CPLANE1: variants seen among roughly 807,000 people sequenced by gnomAD.
CPLANE1 encodes ciliogenesis and planar polarity effector 1.
In CPLANE1, 263 loss-of-function variants were observed where a neutral mutation model predicts 362.5. The ratio of observed to expected loss-of-function variants is 0.73; its 90% CI spans 0.66 to 0.80. CPLANE1 has a LOEUF of 0.80. CPLANE1 is among the 30% of genes least tolerant of loss of function. CPLANE1 has a pLI of 0.00. For synonymous variants in CPLANE1, 1,212 were observed against 1,302.6 expected, an observed-to-expected ratio of 0.93 and a Z score of 1.50; for missense variants, 3,461 against 3,793.4, an observed-to-expected ratio of 0.91 and a Z score of 2.30.
chr5:37,167,054 T>C lies in CPLANE1; in HGVS notation c.7393A>G (p.Lys2465Glu), dbSNP rs1312574220. ...PPEVRQGKDS[K>E]KRQRRRAEKE... ...ATTTCACTTAAGCCTTGCCTTTTTT[T>C]ACTGTCCTTTCCTTGTCTTACTTCA... The change falls in exon 35 of 53, where the codon AAA becomes GAA. Residue 2465 changes from lysine to glutamate, a missense_variant. By Grantham distance (56) the Lys-to-Glu change is moderately conservative. Around this residue, in one of 2 missense-constraint regions of CPLANE1, gnomAD observed 3,380 missense variants for 3,666.1 expected, o/e 0.92. Coordinates refer to ENST00000651892, the MANE Select transcript of CPLANE1 (RefSeq NM_001384732.1). 1 of 1,605,950 alleles carries C rather than the reference T, an allele frequency of 6.2e-7. No individual in the cohort carries two copies. Among genetic ancestry groups the C allele is most frequent in the East Asian group, 2.2e-5 (1 of 44,758 alleles).
chr5:37,153,625 G>A, intron 42 of CPLANE1, 115 bp downstream of exon 42: 2 of 1,083,712 alleles, frequency 1.8e-6, no homozygotes, highest in Non-Finnish European at 2.6e-6. Context: ...ACAAACCCTA[G>A]CTTAAAGAAA....
chr5:37,122,456 T>C lies in CPLANE1; in HGVS notation c.8991A>G (p.Arg2997=). ...LYMTSREIRL[R]QKMKHEKDRL... Reference sequence around the variant, plus strand: ...TGTCTTTTTCATGCTTCATCTTTTGTCTCAGCCTTATTTCCCTTGAAGTCA... The same window carrying C: ...TGTCTTTTTCATGCTTCATCTTTTGCCTCAGCCTTATTTCCCTTGAAGTCA... Residue 2997 remains arginine (R), a synonymous_variant, in exon 48 of 53, where the codon AGA becomes AGG. Transcript: ENST00000651892. The C allele has an allele frequency of 6.2e-7, 1 of 1,613,266 alleles. No homozygotes were observed. Among genetic ancestry groups the C allele is most frequent in the Non-Finnish European group, 8.5e-7 (1 of 1,179,790 alleles).
intron 14 of CPLANE1, among the ~76,000 whole-genome samples, chr5:37,222,246 T>C (rs1795514270): frequency 6.6e-6 from 1 of 152,222 alleles, no homozygotes; most frequent in Admixed American, 6.5e-5. Context: ...GAGATAACAT[T>C]GTATGCAATT....
chr5:37,208,866 G>A (rs1043498557), intron 16 of CPLANE1, among the ~76,000 whole-genome samples: 1 of 151,542 alleles, frequency 6.6e-6, no homozygotes, highest in African/African-American at 2.4e-5. Context: ...CATATTAGAC[G>A]TAAACCCCGT....
intron 12 of CPLANE1, among the ~76,000 whole-genome samples, chr5:37,225,667 C>T (rs1311987738): frequency 6.6e-6 from 1 of 151,984 alleles, no homozygotes; most frequent in African/African-American, 2.4e-5. Context: ...GCCTGGCCAA[C>T]ATGGTGAAAC....
At chr5:37,194,878 C>T (rs867742061) in intron 21 of CPLANE1, among the ~76,000 whole-genome samples, 1 of 151,436 alleles carries the variant, frequency 6.6e-6, no homozygotes, top group Non-Finnish European at 1.5e-5. Context: ...GCTGGCCAGG[C>T]GCGGTGGCTC....
At position 37,148,174 on chromosome 5, in the gene CPLANE1, T is replaced by C. The variant is rs776639814; in HGVS notation, c.8461+7A>G. On this transcript the variant is annotated splice_region_variant and intron_variant, in intron 43 of 52. Transcript: ENST00000651892. ...ACTTCAGCCAGCCCCTATCAGCCCC[T>C]ACAAACCTTCTTCAGAAATGCTAAT... The C allele has an allele frequency of 1.6e-5, 26 of 1,609,942 alleles. No individual in the cohort carries two copies. Among genetic ancestry groups the C allele is most frequent in the Middle Eastern group, 1.6e-4 (1 of 6,070 alleles).
At chr5:37,181,126 T>C in intron 26 of CPLANE1, 121 bp from the exon 27 acceptor site, 1 of 857,266 alleles carries the variant, frequency 1.2e-6, no homozygotes, top group Non-Finnish European at 1.7e-6. Context: ...TTATCAAATA[T>C]TTACTGCATT....
intron 20 of CPLANE1, among the ~76,000 whole-genome samples, chr5:37,196,985 C>T (rs1001643242): frequency 7.3e-5 from 11 of 151,526 alleles, no homozygotes; most frequent in African/African-American, 2.4e-4. Context: ...AACCTCTCTA[C>T]CTCAATGAGC....
intron 24 of CPLANE1, among the ~76,000 whole-genome samples, chr5:37,185,363 T>G (rs1783708053): frequency 6.6e-6 from 1 of 152,104 alleles, no homozygotes; most frequent in South Asian, 2.1e-4. Context: ...TTTAAGTGAT[T>G]TAACTGTTTT....
intron 1 of CPLANE1, among the ~76,000 whole-genome samples, chr5:37,248,973 A>G (rs2270559): frequency 0.16 from 24,415 of 152,232 alleles, 2,336 homozygotes; most frequent in African/African-American, 0.27. Flanking sequence ...GCCTGGCACC[A>G]CCCACGCCGG....
At chr5:37,225,852 C>CAAAA (rs70976285) in intron 12 of CPLANE1, among the ~76,000 whole-genome samples, 15 of 57,732 alleles carry the variant, frequency 2.6e-4, no homozygotes, top group African/African-American at 4.4e-4. Flanking sequence ...TACTCCATCT[C>CAAAA]AAAAAAAAAA....
chr5:37,101,472 C>T (rs1301387227), downstream of CPLANE1, among the ~76,000 whole-genome samples: 3 of 152,126 alleles, frequency 2.0e-5, no homozygotes, highest in Non-Finnish European at 2.9e-5. Context: ...GGTGGATAAA[C>T]TTTTTGATGT....
chr5:37,182,578 C>T (rs1782949695), intron 26 of CPLANE1, among the ~76,000 whole-genome samples, 182 bp downstream of exon 26: 1 of 152,008 alleles, frequency 6.6e-6, no homozygotes, highest in African/African-American at 2.4e-5. Context: ...TCTCTGAAAG[C>T]ACTTTATTGT....
At chr5:37,189,110 G>A (rs968201872) in intron 21 of CPLANE1, among the ~76,000 whole-genome samples, 1 of 152,110 alleles carries the variant, frequency 6.6e-6, no homozygotes, top group African/African-American at 2.4e-5. Flanking sequence ...TGGATTACAG[G>A]CATAAGCTAC....
chr5:37,111,653 C>T (rs190530841), intron 51 of CPLANE1, among the ~76,000 whole-genome samples: 2 of 152,274 alleles, frequency 1.3e-5, no homozygotes, highest in East Asian at 1.9e-4. Context: ...ACAAAGCTAA[C>T]ATCATTTGGT....
chr5:37,105,211 G>A (rs1757503460), downstream of CPLANE1, among the ~76,000 whole-genome samples: 1 of 151,796 alleles, frequency 6.6e-6, no homozygotes, highest in South Asian at 2.1e-4. Flanking sequence ...GAGGTGGGAG[G>A]ATCGCTTGAG....
rs374776325 is a variant in CPLANE1, at chr5:37,107,679, C to A, written c.9679G>T (p.Asp3227Tyr). 3.8e-5 allele frequency: 61 copies of A among 1,611,452 alleles called. No individual in the cohort carries two copies. Among genetic ancestry groups the A allele is most frequent in the Non-Finnish European group, 4.8e-5 (57 of 1,179,040 alleles). ...ACCATGTCTTCGATGGCATTCCAGT[C>A]CAGCTTGCTGAGGATGCTGCCAGTG... ...ESTGSILSKL[D>Y]WNAIEDMVAS... The change falls in exon 53 of 53, where the codon GAC (aspartate) becomes TAC (tyrosine). Residue 3227 changes from aspartate (D) to tyrosine (Y), a missense_variant. Around this residue, in one of 2 missense-constraint regions of CPLANE1, gnomAD observed 81 missense variants for 127.3 expected, o/e 0.64. Transcript: ENST00000651892.
chr5:37,081,518 T>C, the CPLANE1 span, among the ~76,000 whole-genome samples: 1 of 152,012 alleles, frequency 6.6e-6, no homozygotes, highest in Non-Finnish European at 1.5e-5. Context: ...AGATGGGGTT[T>C]CACCATGTTG....
Sources: gnomAD v4.1 joint callset for allele counts (sites outside exome capture counted in the v4.1 genomes callset) on GRCh38, gnomAD v4.1.1 for gene constraint, gnomAD v4.1.1 regional missense constraint, MANE v1.5 for transcripts, NCBI Gene and HGNC (gene_info 2026-07-23, HGNC 2026-07-21) for gene names.